The following KIF26B variants were observed in gnomAD, a reference collection of about 807,000 sequenced individuals.
The protein encoded by KIF26B is kinesin-like protein KIF26B.
KIF26B carries 63 observed loss-of-function variants against 151.2 expected under a neutral mutation model. That is an observed-to-expected ratio of 0.42 (90% confidence interval 0.34 to 0.51). The LOEUF is 0.51. Ranked by LOEUF, KIF26B falls within the 20% of genes least tolerant of loss-of-function variation. The pLI, the probability that KIF26B is intolerant of heterozygous loss-of-function variation, is 0.07. For synonymous variants in KIF26B, 1,357 were observed against 1,262.1 expected (o/e 1.08, Z -1.59); for missense variants, 2,813 against 2,913.6 (o/e 0.97, Z 0.79).
In KIF26B at chr1:245,563,943, G is replaced by C. The variant is rs1300661714; in HGVS notation, c.1350+22993G>C. On this transcript the variant is annotated intron_variant, in intron 5 of 14. Transcript: ENST00000407071. The surrounding 1 kb of genome is among the most constrained non-coding windows in gnomAD (Gnocchi z 4.6). ...TCTCTCCCTGTCCGTGCATCCATCT[G>C]TTTCTGCACTCTCTTCGGTGCATCC... 6.6e-6 allele frequency among the ~76,000 whole-genome samples: 1 copy of C among 152,040 alleles called. No homozygotes were observed. The highest frequency in any genetic ancestry group is 1.5e-5 in the Non-Finnish European group (1 of 68,010).
At chr1:245,297,723 G>A (rs539009846) in intron 2 of KIF26B, among the ~76,000 whole-genome samples, 32 of 152,300 alleles carry the variant, frequency 2.1e-4, no homozygotes, top group African/African-American at 7.2e-4. Context: ...TCTGTACTGT[G>A]CTAGTTGATG....
chr1:245,332,580 T>A (rs1302871228), intron 2 of KIF26B, among the ~76,000 whole-genome samples: 1 of 152,184 alleles, frequency 6.6e-6, no homozygotes, highest in Non-Finnish European at 1.5e-5. Flanking sequence ...TTGTCTTGCC[T>A]TTCCCCCCAC....
intron 4 of KIF26B, among the ~76,000 whole-genome samples, chr1:245,442,589 G>A (rs1659132933): frequency 6.6e-6 from 1 of 152,148 alleles, no homozygotes. Flanking sequence ...TTTAGCTTCA[G>A]CCTGACCATA....
At chr1:245,337,640 T>C (rs954696863) in intron 2 of KIF26B, among the ~76,000 whole-genome samples, 5 of 152,040 alleles carry the variant, frequency 3.3e-5, no homozygotes, top group Non-Finnish European at 5.9e-5. Flanking sequence ...GACTCACATA[T>C]AGGAATTCAA....
intron 4 of KIF26B, among the ~76,000 whole-genome samples, chr1:245,471,588 T>A (rs1659915334): frequency 1.3e-5 from 2 of 152,236 alleles, no homozygotes; most frequent in South Asian, 4.1e-4. Flanking sequence ...AATAATATGT[T>A]CTATTAAATT....
chr1:245,551,672 T>C (rs1176206617), intron 5 of KIF26B, among the ~76,000 whole-genome samples: 3 of 152,164 alleles, frequency 2.0e-5, no homozygotes, highest in African/African-American at 7.2e-5. Context: ...CAAGTACAGA[T>C]GGTGAAAGTG....
At chr1:245,192,377 T>C (rs778796400) in intron 2 of KIF26B, among the ~76,000 whole-genome samples, 1 of 152,054 alleles carries the variant, frequency 6.6e-6, no homozygotes, top group Non-Finnish European at 1.5e-5. Context: ...TGCTACAATA[T>C]TAGCAGAGAA....
rs532730529 is a variant in KIF26B, at chr1:245,707,514, T to A, written c.*4908T>A. 4.6e-5 allele frequency: 7 copies of A among 152,252 alleles called. No individual in the cohort carries two copies. Among genetic ancestry groups the A allele is most frequent in the Non-Finnish European group, 7.3e-5 (5 of 68,044 alleles). The allele number at this position is 152,252 out of a possible 1,614,324, so 9.4% of individuals were successfully genotyped here. A position where few individuals can be genotyped will look rare whatever the true frequency, so the allele number is the denominator to read the frequency against. On this transcript the variant is annotated 3_prime_UTR_variant, in exon 15 of 15. Coordinates refer to ENST00000407071, the MANE Select transcript of KIF26B (RefSeq NM_018012.4). Reference sequence around the variant, plus strand: ...CATTGCTCGTGTTCTCTCATTTACTTATTATGCATCACGGTTGGAAATGCT... The same window carrying A: ...CATTGCTCGTGTTCTCTCATTTACTAATTATGCATCACGGTTGGAAATGCT...
chr1:245,314,124 C>G (rs970841290), intron 2 of KIF26B, among the ~76,000 whole-genome samples: 1 of 152,182 alleles, frequency 6.6e-6, no homozygotes, highest in African/African-American at 2.4e-5. Flanking sequence ...GGGTCAGAGA[C>G]AGGGACTCCT....
chr1:245,687,383 C>G lies in KIF26B; in HGVS notation c.4400C>G (p.Thr1467Arg). The stretch of plus-strand genomic sequence containing the variant: ...GGGATGATGAGGTGTGAGACTGCCA[C>G]GGGCCCCTCGAATGCTGAGACCAGA... ...EEGMMRCETA[T>R]GPSNAETRAE... Residue 1467 changes from threonine (T) to arginine (R), a missense_variant, in exon 12 of 15, where the codon ACG (threonine) becomes AGG (arginine). Around this residue, in one of 3 missense-constraint regions of KIF26B, gnomAD observed 2,060 missense variants for 2,088.6 expected, o/e 0.99. Coordinates refer to ENST00000407071, the MANE Select transcript of KIF26B (RefSeq NM_018012.4). The surrounding 1 kb of genome is among the most constrained non-coding windows in gnomAD (Gnocchi z 4.9). 1 of 1,588,016 alleles carries G rather than the reference C, an allele frequency of 6.3e-7. No individual in the cohort carries two copies. Among genetic ancestry groups the G allele is most frequent in the Non-Finnish European group, 8.6e-7 (1 of 1,167,628 alleles).
chr1:245,496,031 C>G (rs1041262441), intron 4 of KIF26B, among the ~76,000 whole-genome samples: 1 of 152,104 alleles, frequency 6.6e-6, no homozygotes, highest in Admixed American at 6.6e-5. Context: ...TTGAAAGAAT[C>G]CATCATCAGT....
intron 14 of KIF26B, among the ~76,000 whole-genome samples, chr1:245,701,547 A>AAGAC (rs1165873570): frequency 1.3e-5 from 2 of 152,188 alleles, no homozygotes; most frequent in African/African-American, 4.8e-5. Context: ...CTGCAGAAAG[A>AAGAC]AGACACTCTG....
chr1:245,339,087 C>T, intron 2 of KIF26B, among the ~76,000 whole-genome samples: 1 of 151,492 alleles, frequency 6.6e-6, no homozygotes, highest in East Asian at 1.9e-4. Context: ...AAGTGATTCT[C>T]CTGCCTCAGC....
chr1:245,514,846 A>C (rs1293915819), intron 4 of KIF26B, among the ~76,000 whole-genome samples: 2 of 152,126 alleles, frequency 1.3e-5, no homozygotes, highest in African/African-American at 4.8e-5. Flanking sequence ...AGCTTACCTC[A>C]TTAGGTTTTT....
chr1:245,441,405 T>G (rs184831280), intron 4 of KIF26B, among the ~76,000 whole-genome samples: 4 of 151,970 alleles, frequency 2.6e-5, no homozygotes, highest in Middle Eastern at 3.4e-3. Context: ...TCCCAAGATA[T>G]CTGTACCTCA....
chr1:245,471,730 A>G (rs1445369626), intron 4 of KIF26B, among the ~76,000 whole-genome samples: 2 of 151,922 alleles, frequency 1.3e-5, no homozygotes, highest in Admixed American at 6.6e-5. Context: ...TGTGCTTGGC[A>G]TGATTCCAGG....
rs191718947 is a variant in KIF26B at position 245,256,747 on chromosome 1, A to G, written c.465+100064A>G. Reference sequence around the variant, plus strand: ...TCAGGCACAGCTGACCAGCATTCACATTAAAATAGAGACTTCAGACTGACA... The same window carrying G: ...TCAGGCACAGCTGACCAGCATTCACGTTAAAATAGAGACTTCAGACTGACA... On this transcript the variant is annotated intron_variant, in intron 2 of 14. Transcript: ENST00000407071. Among the ~76,000 whole-genome samples the G allele has an allele frequency of 6.5e-3, 983 of 152,356 alleles. 14 individuals carry two copies. The highest frequency in any genetic ancestry group is 0.022 in the African/African-American group (916 of 41,572).
At chr1:245,184,050 G>GTTTTTTTTTTTTTT (rs758993117) in intron 2 of KIF26B, among the ~76,000 whole-genome samples, 704 of 19,772 alleles carry the variant, frequency 0.036, 225 homozygotes, top group East Asian at 0.12. Flanking sequence ...GGGAGTTGTT[G>GTTTTTTTTTTTTTT]TTTTTTTTTT....
chr1:245,336,617 A>G (rs1168380962), intron 2 of KIF26B, among the ~76,000 whole-genome samples: 1 of 152,122 alleles, frequency 6.6e-6, no homozygotes, highest in African/African-American at 2.4e-5. Context: ...CCCTGTGAGC[A>G]CTCATTCTTG....
Sources: allele counts gnomAD v4.1 joint callset (sites outside exome capture counted in the v4.1 genomes callset), GRCh38; gene constraint gnomAD v4.1.1; regional missense constraint gnomAD v4.1.1; non-coding constraint Gnocchi (gnomAD v3.1); transcripts MANE v1.5; gene names NCBI Gene and HGNC (gene_info 2026-07-23, HGNC 2026-07-21).